Variants in SEMA3D observed in about 807,000 individuals in gnomAD.
SEMA3D encodes semaphorin-3D.
Under a neutral mutation model 100.1 loss-of-function variants are expected in SEMA3D, and 84 were observed. The observed-to-expected ratio is 0.84, with a 90% CI of 0.70 to 1.01. SEMA3D has a LOEUF of 1.01. Among genes scored for constraint, SEMA3D ranks in the 50% least tolerant of loss-of-function variants. The pLI is 0.00. For synonymous variants in SEMA3D, 312 were observed against 320.7 expected, an observed-to-expected ratio of 0.97 and a Z score of 0.29; for missense variants, 875 against 934.1, an observed-to-expected ratio of 0.94 and a Z score of 0.82.
At chr7:85,073,417 TTC>T (rs1441254137) in intron 5 of SEMA3D, among the ~76,000 whole-genome samples, 3 of 151,980 alleles carry the variant, frequency 2.0e-5, no homozygotes, top group African/African-American at 7.3e-5. Context: ...ATTTAAAATT[TTC>T]TCTTTTTTTT....
intron 2 of SEMA3D, among the ~76,000 whole-genome samples, chr7:85,131,743 T>C (rs1562830054): frequency 6.6e-6 from 1 of 151,920 alleles, no homozygotes; most frequent in Non-Finnish European, 1.5e-5. Flanking sequence ...ATATCCTTTG[T>C]ATTGAATCTT....
chr7:85,062,985 C>T (rs929326968), intron 8 of SEMA3D, among the ~76,000 whole-genome samples: 27 of 152,132 alleles, frequency 1.8e-4, no homozygotes, highest in African/African-American at 6.0e-4. Flanking sequence ...GTTTTAGCCT[C>T]ACTTCTACCT....
intron 2 of SEMA3D, among the ~76,000 whole-genome samples, chr7:85,151,965 GTTCA>G (rs1790439799): frequency 6.6e-6 from 1 of 151,846 alleles, no homozygotes; most frequent in Non-Finnish European, 1.5e-5. Flanking sequence ...TTATAGAATA[GTTCA>G]TTATCTTATA....
chr7:85,001,037 G>A (rs1336002915), intron 18 of SEMA3D, among the ~76,000 whole-genome samples: 1 of 152,162 alleles, frequency 6.6e-6, no homozygotes, highest in Non-Finnish European at 1.5e-5. Context: ...GCATCTTTAT[G>A]TGAAAAATAT....
At chr7:85,100,648 C>CTGTAAAAA (rs1287930659) in intron 3 of SEMA3D, among the ~76,000 whole-genome samples, 1 of 151,822 alleles carries the variant, frequency 6.6e-6, no homozygotes, top group Non-Finnish European at 1.5e-5. Flanking sequence ...GTTCTAACCT[C>CTGTAAAAA]TGTAAAAATG....
the SEMA3D span, among the ~76,000 whole-genome samples, chr7:85,198,127 T>A: frequency 6.6e-6 from 1 of 152,186 alleles, no homozygotes; most frequent in East Asian, 1.9e-4. Context: ...TTGACTCTTT[T>A]TGATATGACT....
chr7:85,055,744 G>C lies in SEMA3D; in HGVS notation c.834C>G (p.Ile278Met). 1 of 1,530,700 alleles carries C rather than the reference G, an allele frequency of 6.5e-7. No individual in the cohort carries two copies. The highest frequency in any genetic ancestry group is 1.8e-5 in the Admixed American group (1 of 56,098). The allele number at this position is 1,530,700 out of a possible 1,614,324, so 94.8% of individuals were successfully genotyped here. ...SQEGSTSDKT[I>M]LSRVGRVCKN... ...TACAAACTCTTCCAACTCGAGAAAG[G>C]ATGGTTTTATCGGAGGTACTGCCTT... is the stretch of plus-strand genomic sequence containing the variant. Residue 278 changes from isoleucine to methionine, a missense_variant, in exon 9 of 19, where the codon ATC (isoleucine) becomes ATG (methionine). Physicochemically the swap from Ile to Met is conservative, Grantham distance 10. Transcript: ENST00000284136.
chr7:85,143,383 AG>A (rs1282708965), intron 2 of SEMA3D: 1 of 208,926 alleles, frequency 4.8e-6, no homozygotes, highest in African/African-American at 2.4e-5. Flanking sequence ...AACATCATAG[AG>A]GGAACTTAAA....
At chr7:85,120,741 T>C (rs993918518) in intron 3 of SEMA3D, among the ~76,000 whole-genome samples, 1 of 151,812 alleles carries the variant, frequency 6.6e-6, no homozygotes, top group Admixed American at 6.6e-5. Context: ...ATGTGATCAA[T>C]TTTTCCAGAT....
intron 3 of SEMA3D, among the ~76,000 whole-genome samples, chr7:85,119,679 G>A (rs1000995736): frequency 1.3e-5 from 2 of 152,154 alleles, no homozygotes; most frequent in African/African-American, 4.8e-5. Context: ...ATACCTGTTT[G>A]ACGAAATAAT....
the SEMA3D span, among the ~76,000 whole-genome samples, chr7:85,215,712 C>A: frequency 6.6e-6 from 1 of 151,952 alleles, no homozygotes. Flanking sequence ...TTGAAAATAA[C>A]AATAGTAAAC....
chr7:85,178,838 T>C (rs1583993665), intron 1 of SEMA3D, among the ~76,000 whole-genome samples: 1 of 152,060 alleles, frequency 6.6e-6, no homozygotes, highest in South Asian at 2.1e-4. Flanking sequence ...AGAAAAACGT[T>C]TCATGGGCTG....
the SEMA3D span, among the ~76,000 whole-genome samples, chr7:85,243,608 T>C: frequency 6.6e-6 from 1 of 152,208 alleles, no homozygotes; most frequent in African/African-American, 2.4e-5. Flanking sequence ...TTTTTACTTG[T>C]TGTTAAGATG....
rs752942908 is a variant in SEMA3D at position 85,081,585 on chromosome 7, A to G, written c.313-6T>C. The G allele has an allele frequency of 6.2e-7, 1 of 1,604,866 alleles. No homozygotes were observed. Among genetic ancestry groups the G allele is most frequent in the Middle Eastern group, 1.7e-4 (1 of 6,042 alleles). ...TTTGCAGCAGGCCAATAAATCTGCA[A>G]AACATTTCAAAGTATGTTACAACCT... is the stretch of plus-strand genomic sequence containing the variant. On this transcript the variant is annotated splice_polypyrimidine_tract_variant and splice_region_variant and intron_variant, in intron 4 of 18. Coordinates refer to ENST00000284136, the MANE Select transcript of SEMA3D (RefSeq NM_001384900.1).
At chr7:85,024,633 A>T (rs1790342871) in intron 12 of SEMA3D, among the ~76,000 whole-genome samples, 1 of 151,990 alleles carries the variant, frequency 6.6e-6, no homozygotes, top group East Asian at 1.9e-4. Flanking sequence ...TTGAAAATAT[A>T]TATTTTTTCT....
chr7:85,035,234 C>T (rs1356550952), intron 12 of SEMA3D, among the ~76,000 whole-genome samples: 1 of 150,646 alleles, frequency 6.6e-6, no homozygotes, highest in Non-Finnish European at 1.5e-5. Context: ...ATATATGATA[C>T]ATTTATACAT....
chr7:85,203,555 CT>C, the SEMA3D span, among the ~76,000 whole-genome samples: 1 of 152,034 alleles, frequency 6.6e-6, no homozygotes, highest in African/African-American at 2.4e-5. Context: ...CACCTGGAAA[CT>C]GTGTGGGTAG....
intron 2 of SEMA3D, among the ~76,000 whole-genome samples, chr7:85,137,524 C>T (rs887988937): frequency 1.1e-4 from 16 of 152,024 alleles, no homozygotes; most frequent in African/African-American, 2.9e-4. Context: ...TTTTTACCTA[C>T]GATTAATTTT....
At position 85,037,012 on chromosome 7, in the gene SEMA3D, A is replaced by G. The variant is rs774676901; in HGVS notation, c.1068T>C (p.Ala356=). Reference sequence around the variant, plus strand: ...TGTCAGCCATGCTATACACACAAACAGCAGAGCCTTTGAAGATGGAGCTGG... The same window carrying G: ...TGTCAGCCATGCTATACACACAAACGGCAGAGCCTTTGAAGATGGAGCTGG... The part of the protein sequence containing the change: ...TTTSSIFKGS[A]VCVYSMADIR... The change falls in exon 12 of 19, where the codon GCT becomes GCC. Residue 356 remains alanine, a synonymous_variant. Transcript: ENST00000284136. 6.2e-7 allele frequency: 1 copy of G among 1,612,382 alleles called. No homozygotes were observed. The highest frequency in any genetic ancestry group is 1.7e-5 in the Admixed American group (1 of 59,776).
Sources: allele counts gnomAD v4.1 joint callset (sites outside exome capture counted in the v4.1 genomes callset), GRCh38; gene constraint gnomAD v4.1.1; transcripts MANE v1.5; gene names NCBI Gene and HGNC (gene_info 2026-07-23, HGNC 2026-07-21).